Variants in MCMDC2 observed in about 807,000 individuals in gnomAD.
MCMDC2 encodes the protein minichromosome maintenance domain containing 2, also known as minichromosome maintenance domain-containing protein 2.
MCMDC2 carries 54 observed loss-of-function variants against 75.8 expected under a neutral mutation model. The ratio of observed to expected loss-of-function variants is 0.71; its 90% CI spans 0.57 to 0.89. The LOEUF is 0.89. Ranked by LOEUF, MCMDC2 falls within the 40% of genes least tolerant of loss-of-function variation. The pLI, the probability that MCMDC2 is intolerant of heterozygous loss-of-function variation, is 0.00. For missense variants in MCMDC2, 656 were observed against 780.4 expected (o/e 0.84, Z 1.90); for synonymous variants, 249 against 274.6 (o/e 0.91, Z 0.92).
intron 12 of MCMDC2, among the ~76,000 whole-genome samples, chr8:66,900,046 GA>G (rs1812575605): frequency 6.6e-6 from 1 of 152,104 alleles, no homozygotes; most frequent in Admixed American, 6.6e-5. Flanking sequence ...TGAGGCAGGA[GA>G]ATCACTTGAA....
rs1812349224 is a variant in MCMDC2, at chr8:66,896,317, A to G, written c.1427A>G (p.Asn476Ser). The change falls in exon 11 of 15, where the codon AAC becomes AGC. Residue 476 changes from asparagine (N) to serine (S), a missense_variant. Transcript: ENST00000422365. ...SSSRRNAQKI[N>S]TLIGQMDCSL... ...TCAAGGAGAAATGCACAGAAAATCA[A>G]CACTCTAATTGGTCAGATGGTAAGG... 14 of 1,608,596 alleles carry G rather than the reference A, an allele frequency of 8.7e-6. No individual in the cohort carries two copies. Among genetic ancestry groups the G allele is most frequent in the Non-Finnish European group, 1.2e-5 (14 of 1,178,994 alleles).
intron 13 of MCMDC2, chr8:66,901,651 G>C: frequency 9.4e-7 from 1 of 1,059,326 alleles, no homozygotes; most frequent in Non-Finnish European, 1.1e-6. Context: ...GTGGCTGTTG[G>C]GCGGGCACGG....
At chr8:66,899,965 CA>C (rs545662743) in intron 12 of MCMDC2, among the ~76,000 whole-genome samples, 6 of 141,338 alleles carry the variant, frequency 4.2e-5, no homozygotes, top group Non-Finnish European at 7.7e-5. Flanking sequence ...ACTAAAAATA[CA>C]AAAAAAAACA....
chr8:66,899,383 T>C (rs903504671), intron 12 of MCMDC2, among the ~76,000 whole-genome samples: 8 of 152,160 alleles, frequency 5.3e-5, no homozygotes, highest in African/African-American at 1.9e-4. Context: ...GGGTTATTGA[T>C]GCTATTAATA....
At chr8:66,888,247 AT>A (rs200575783) in intron 9 of MCMDC2, among the ~76,000 whole-genome samples, 5,300 of 151,986 alleles carry the variant, frequency 0.035, 100 homozygotes, top group Admixed American at 0.047. Flanking sequence ...CATCTGGTTA[AT>A]TTTTTTAGTT....
At chr8:66,901,084 T>C (rs1218479832) in intron 12 of MCMDC2, 122 bp from the exon 13 acceptor site, 7 of 693,052 alleles carry the variant, frequency 1.0e-5, no homozygotes, top group Admixed American at 5.6e-5. Flanking sequence ...CCCAGACATT[T>C]ACTCTTTTTT....
intron 3 of MCMDC2, 30 bp downstream of exon 3, chr8:66,874,486 C>T: frequency 6.2e-7 from 1 of 1,611,844 alleles, no homozygotes; most frequent in East Asian, 2.2e-5. Flanking sequence ...AATTTTATGC[C>T]ACATGGAATT....
In MCMDC2 at chr8:66,920,097, T is replaced by C. The variant is rs988432862; in HGVS notation, c.*928T>C. ...TACCATGCATCAATTCTTTCAAAAC[T>C]GGTCCCTTAACAGAGATGCTTAACT... On this transcript the variant is annotated 3_prime_UTR_variant, in exon 15 of 15. Coordinates refer to ENST00000422365, the MANE Select transcript of MCMDC2 (RefSeq NM_173518.5). 4 of 152,232 alleles carry C rather than the reference T, an allele frequency of 2.6e-5. No homozygotes were observed. The highest frequency in any genetic ancestry group is 9.6e-5 in the African/African-American group (4 of 41,464). The allele number at this position is 152,232 out of a possible 1,614,324, so 9.4% of individuals were successfully genotyped here. A position where few individuals can be genotyped will look rare whatever the true frequency, so the allele number is the denominator to read the frequency against.
intron 9 of MCMDC2, among the ~76,000 whole-genome samples, chr8:66,887,547 C>T (rs78840746): frequency 0.018 from 2,784 of 151,944 alleles, 88 homozygotes; most frequent in African/African-American, 0.062. Flanking sequence ...AAGACCCTGT[C>T]TCAAAAAAGA....
rs1250352932 is a variant in MCMDC2 at position 66,877,329 on chromosome 8, C to G, written c.286-20C>G. 1 of 1,498,306 alleles carries G rather than the reference C, an allele frequency of 6.7e-7. No homozygotes were observed. Among genetic ancestry groups the G allele is most frequent in the Admixed American group, 2.0e-5 (1 of 48,916 alleles). 92.8% of individuals were successfully genotyped at this position (1,498,306 alleles called of 1,614,324 possible). A position where few individuals can be genotyped will look rare whatever the true frequency, so the allele number is the denominator to read the frequency against. The stretch of plus-strand genomic sequence containing the variant: ...TTGGATTTGCAATTTTCATTAATAC[C>G]ATTTTTATGTTCTTATTAGATTAAT... On this transcript the variant is annotated intron_variant, in intron 4 of 14. Transcript: ENST00000422365.
At chr8:66,888,033 G>A (rs964290703) in intron 9 of MCMDC2, among the ~76,000 whole-genome samples, 1 of 152,054 alleles carries the variant, frequency 6.6e-6, no homozygotes, top group Non-Finnish European at 1.5e-5. Flanking sequence ...TCATTTTAAA[G>A]ATTAAAAAAA....
At chr8:66,890,440 AG>A (rs1812051829) in intron 9 of MCMDC2, among the ~76,000 whole-genome samples, 1 of 151,600 alleles carries the variant, frequency 6.6e-6, no homozygotes, top group Admixed American at 6.6e-5. Flanking sequence ...GACATTTTTT[AG>A]TACTTATCAC....
chr8:66,876,303 A>G (rs1811279716), intron 4 of MCMDC2, among the ~76,000 whole-genome samples: 1 of 152,242 alleles, frequency 6.6e-6, no homozygotes, highest in Non-Finnish European at 1.5e-5. Flanking sequence ...TTGTACAGGA[A>G]AGGCAGGGTA....
intron 14 of MCMDC2, among the ~76,000 whole-genome samples, chr8:66,906,717 A>C: frequency 6.6e-6 from 1 of 151,702 alleles, no homozygotes; most frequent in East Asian, 1.9e-4. Context: ...TATGTTTTTC[A>C]TTTCAATTTG....
chr8:66,884,122 C>CT (rs1811723060), intron 9 of MCMDC2, 128 bp downstream of exon 9: 5 of 624,970 alleles, frequency 8.0e-6, no homozygotes, highest in African/African-American at 1.8e-5. Context: ...TTAAATCAAT[C>CT]TTTATCAATA....
chr8:66,899,459 T>C (rs1035895483), intron 12 of MCMDC2, among the ~76,000 whole-genome samples: 3 of 152,176 alleles, frequency 2.0e-5, no homozygotes, highest in African/African-American at 7.2e-5. Context: ...AGCCAGGATA[T>C]ACATCCAATC....
downstream of MCMDC2, among the ~76,000 whole-genome samples, chr8:66,925,795 T>C (rs905161891): frequency 6.6e-6 from 1 of 152,212 alleles, no homozygotes; most frequent in African/African-American, 2.4e-5. Context: ...GGAGTAACTC[T>C]GCTAGAGCTA....
intron 8 of MCMDC2, among the ~76,000 whole-genome samples, chr8:66,883,170 A>G (rs188062960): frequency 5.3e-5 from 8 of 152,354 alleles, no homozygotes; most frequent in Admixed American, 1.3e-4. Flanking sequence ...GATGGAGAAG[A>G]TCTAGAATTT....
intron 14 of MCMDC2, among the ~76,000 whole-genome samples, chr8:66,914,283 CAA>C (rs67943900): frequency 0.031 from 2,644 of 85,762 alleles, 66 homozygotes; most frequent in African/African-American, 0.1. Context: ...ACCCTGTATC[CAA>C]AAAAAAAAAA....
Sources: gnomAD v4.1 joint callset for allele counts (sites outside exome capture counted in the v4.1 genomes callset) on GRCh38, gnomAD v4.1.1 for gene constraint, MANE v1.5 for transcripts, NCBI Gene and HGNC (gene_info 2026-07-23, HGNC 2026-07-21) for gene names.